Variants in ZNF777 observed in about 807,000 individuals in gnomAD.
ZNF777 encodes the protein zinc finger protein 777.
A neutral mutation model predicts 72.1 loss-of-function variants in ZNF777; 7 were observed. The ratio of observed to expected loss-of-function variants is 0.10; its 90% CI spans 0.06 to 0.18. ZNF777 has a LOEUF of 0.18. Ranked by LOEUF, ZNF777 falls within the 10% of genes least tolerant of loss-of-function variation. The pLI is 1.00. For synonymous variants in ZNF777, 545 were observed against 483.5 expected (o/e 1.13, Z -1.67); for missense variants, 828 against 1,128.6 (o/e 0.73, Z 3.82).
At chr7:149,438,319 T>C (rs1287629388) in intron 4 of ZNF777, among the ~76,000 whole-genome samples, 1 of 152,230 alleles carries the variant, frequency 6.6e-6, no homozygotes, top group Non-Finnish European at 1.5e-5. Flanking sequence ...TCTACAGTGC[T>C]AATACACTGT....
At chr7:149,451,192 T>C in intron 3 of ZNF777, 80 bp from the exon 4 acceptor site, 1 of 1,270,192 alleles carries the variant, frequency 7.9e-7, no homozygotes, top group Non-Finnish European at 1.1e-6. Flanking sequence ...TGTGGGCACG[T>C]GATTCCAGGA....
At position 149,431,751 on chromosome 7, in the gene ZNF777, C is replaced by G; in HGVS notation, c.*25G>C. 3 of 1,421,126 alleles carry G rather than the reference C, an allele frequency of 2.1e-6. No individual in the cohort carries two copies. The highest frequency in any genetic ancestry group is 1.4e-5 in the South Asian group (1 of 69,228). The allele number at this position is 1,421,126 out of a possible 1,614,324, so 88.0% of individuals were successfully genotyped here. The stretch of plus-strand genomic sequence containing the variant: ...GGGGGGCACGGCCCGCGCACCTGGC[C>G]GGGCGGCGGCGGCGGGGCGCGCGCT... On this transcript the variant is annotated 3_prime_UTR_variant, in exon 6 of 6. Transcript: ENST00000247930.
At chr7:149,440,923 G>A (rs566291528) in intron 4 of ZNF777, among the ~76,000 whole-genome samples, 21 of 152,102 alleles carry the variant, frequency 1.4e-4, no homozygotes, top group African/African-American at 4.6e-4. Context: ...ACCCAACTCG[G>A]GTGTCCACCA....
At chr7:149,452,131 G>C (rs1369252985) in intron 3 of ZNF777, among the ~76,000 whole-genome samples, 4 of 152,020 alleles carry the variant, frequency 2.6e-5, no homozygotes, top group South Asian at 2.1e-4. Flanking sequence ...TGGGCACGGT[G>C]GTGGGCACCT....
intron 4 of ZNF777, among the ~76,000 whole-genome samples, chr7:149,437,797 TTC>T (rs1799440442): frequency 9.3e-6 from 1 of 107,546 alleles, no homozygotes; most frequent in African/African-American, 4.1e-5. Context: ...ATATGTTTGT[TTC>T]TTTTTCTTTT....
At chr7:149,441,576 T>TG (rs1351286196) in intron 4 of ZNF777, among the ~76,000 whole-genome samples, 1 of 152,082 alleles carries the variant, frequency 6.6e-6, no homozygotes, top group African/African-American at 2.4e-5. Flanking sequence ...AGCTTGCTGT[T>TG]GCCATCATTT....
Position 149,436,330 on chromosome 7 carries a change from C to T in ZNF777, c.1339+245G>A, listed in dbSNP as rs1799409948. ...AAATGAGGGGTGGGATAGGTGAGCT[C>T]TGAGATCCCTTTGCCTGAACCAGTC... On this transcript the variant is annotated intron_variant, in intron 5 of 5. Transcript: ENST00000247930. The surrounding 1 kb of genome is among the most constrained non-coding windows in gnomAD (Gnocchi z 5.0). Among the ~76,000 whole-genome samples, 2 of 152,190 alleles carry T rather than the reference C, an allele frequency of 1.3e-5. No homozygotes were observed. The highest frequency in any genetic ancestry group is 1.3e-4 in the Admixed American group (2 of 15,284).
chr7:149,444,179 T>C (rs769942592), intron 4 of ZNF777, among the ~76,000 whole-genome samples: 2 of 152,242 alleles, frequency 1.3e-5, no homozygotes, highest in Non-Finnish European at 2.9e-5. Flanking sequence ...ATTATATCAA[T>C]GTTATTTATA....
chr7:149,450,880 C>G, intron 4 of ZNF777, 119 bp downstream of exon 4: 2 of 854,572 alleles, frequency 2.3e-6, no homozygotes, highest in Non-Finnish European at 3.5e-6. Flanking sequence ...ACCTGCGGGC[C>G]TCCTTCCTGC....
intron 5 of ZNF777, among the ~76,000 whole-genome samples, chr7:149,435,867 C>T (rs1799401667): frequency 6.6e-6 from 1 of 152,174 alleles, no homozygotes; most frequent in African/African-American, 2.4e-5. Context: ...AGGTTCATTT[C>T]ATTTATGAAT....
At chr7:149,443,639 T>A (rs1312963824) in intron 4 of ZNF777, among the ~76,000 whole-genome samples, 1 of 152,180 alleles carries the variant, frequency 6.6e-6, no homozygotes, top group Non-Finnish European at 1.5e-5. Context: ...CTTCAAAACT[T>A]CTTTTTTTTG....
intron 1 of ZNF777, among the ~76,000 whole-genome samples, chr7:149,458,189 G>T (rs1172196083): frequency 6.6e-6 from 1 of 152,172 alleles, no homozygotes; most frequent in Non-Finnish European, 1.5e-5. Flanking sequence ...CCTCAAAAAA[G>T]ACAAAAGGGC....
chr7:149,441,297 G>A (rs1190452087), intron 4 of ZNF777, among the ~76,000 whole-genome samples: 1 of 152,174 alleles, frequency 6.6e-6, no homozygotes, highest in Non-Finnish European at 1.5e-5. Context: ...AAAAGGAATG[G>A]AGACAACTGG....
chr7:149,433,081 C>T, intron 5 of ZNF777, 149 bp from the exon 6 acceptor site: 1 of 1,268,470 alleles, frequency 7.9e-7, no homozygotes, highest in Non-Finnish European at 1.0e-6. Context: ...CTCATTGCGT[C>T]CCCTGGTCCG....
chr7:149,443,439 AC>A (rs1484697599), intron 4 of ZNF777, among the ~76,000 whole-genome samples: 3 of 152,170 alleles, frequency 2.0e-5, no homozygotes, highest in Admixed American at 1.3e-4. Flanking sequence ...CTCTCTCTGT[AC>A]TTTTTCTTTG....
intron 4 of ZNF777, among the ~76,000 whole-genome samples, chr7:149,437,433 T>C (rs1038197012): frequency 6.6e-6 from 1 of 152,152 alleles, no homozygotes; most frequent in African/African-American, 2.4e-5. Context: ...CCCCATACCC[T>C]GAGGTGTCCA....
intron 1 of ZNF777, among the ~76,000 whole-genome samples, chr7:149,456,808 G>A (rs1179244891): frequency 6.6e-6 from 1 of 152,194 alleles, no homozygotes; most frequent in East Asian, 1.9e-4. Flanking sequence ...TATGGTATAT[G>A]TATGTTTGAC....
At chr7:149,458,542 A>AAAACAAAACAAAACC (rs1282098024) in intron 1 of ZNF777, among the ~76,000 whole-genome samples, 22 of 150,740 alleles carry the variant, frequency 1.5e-4, no homozygotes, top group Non-Finnish European at 2.9e-4. Context: ...AAAACAAAAC[A>AAAACAAAACAAAACC]AAACCCTCCA....
intron 5 of ZNF777, among the ~76,000 whole-genome samples, chr7:149,435,968 G>A (rs189317135): frequency 5.3e-5 from 8 of 152,244 alleles, no homozygotes; most frequent in East Asian, 3.9e-4. Context: ...GGCTTTTCCC[G>A]GGCCTGCCAG....
Sources: allele counts gnomAD v4.1 joint callset (sites outside exome capture counted in the v4.1 genomes callset), GRCh38; gene constraint gnomAD v4.1.1; non-coding constraint Gnocchi (gnomAD v3.1); transcripts MANE v1.5; gene names NCBI Gene and HGNC (gene_info 2026-07-23, HGNC 2026-07-21).